SPTA1: variants seen among roughly 807,000 people sequenced by gnomAD.
SPTA1 encodes the protein spectrin alpha, erythrocytic 1, also known as spectrin alpha chain, erythrocytic 1.
In SPTA1, 177 loss-of-function variants were observed where a neutral mutation model predicts 324.7. The observed-to-expected ratio is 0.55, with a 90% CI of 0.48 to 0.62. SPTA1 has a LOEUF of 0.62. SPTA1 is among the 20% of genes least tolerant of loss of function. The pLI is 0.00. For missense variants in SPTA1, 3,162 were observed against 2,883.6 expected (o/e 1.10, Z -2.21); for synonymous variants, 1,195 against 1,041.3 (o/e 1.15, Z -2.84).
intron 27 of SPTA1, among the ~76,000 whole-genome samples, chr1:158,647,086 T>C (rs146956592): frequency 1.4e-4 from 22 of 152,234 alleles, no homozygotes; most frequent in Admixed American, 1.2e-3. Context: ...TCAGTCTACA[T>C]GAATTGTTTT....
intron 42 of SPTA1, among the ~76,000 whole-genome samples, chr1:158,624,908 G>A (rs1005440377): frequency 2.0e-5 from 3 of 152,188 alleles, no homozygotes; most frequent in Admixed American, 6.5e-5. Context: ...TGCCTGAAAG[G>A]CCACAGAGGC....
In SPTA1 at chr1:158,678,498, G is replaced by T; in HGVS notation, c.715C>A (p.Gln239Lys). ...TCCCAGGCAGCATTCACCTCATTTT[G>T]CTTAGACTGAATTAAGGGTAGGTCA... ...HPDLPLIQSK[Q>K]NEVNAAWERL... Residue 239 changes from glutamine to lysine, a missense_variant, in exon 6 of 52, where the codon CAA becomes AAA. Physicochemically the swap from Gln to Lys is moderately conservative, Grantham distance 53 (BLOSUM62 1). Transcript: ENST00000643759. 6.2e-7 allele frequency: 1 copy of T among 1,613,652 alleles called. No individual in the cohort carries two copies. The highest frequency in any genetic ancestry group is 8.5e-7 in the Non-Finnish European group (1 of 1,179,754).
intron 33 of SPTA1, among the ~76,000 whole-genome samples, chr1:158,641,091 A>T (rs1311404453): frequency 6.6e-6 from 1 of 152,002 alleles, no homozygotes; most frequent in African/African-American, 2.4e-5. Context: ...GGTGCTGGGA[A>T]AACTGGCTAG....
Position 158,659,299 on chromosome 1 carries a change from T to TA in SPTA1, c.2588-1606dup, listed in dbSNP as rs761091912. The stretch of plus-strand genomic sequence containing the variant: ...TATTTGAAATTAGACTATGATAGAT[T>TA]AAAAAAATCTATATTTTAATTCCTG... On this transcript the variant is annotated intron_variant, in intron 18 of 51. Coordinates refer to ENST00000643759, the MANE Select transcript of SPTA1 (RefSeq NM_003126.4). Among the ~76,000 whole-genome samples the TA allele has an allele frequency of 3.3e-5, 5 of 152,204 alleles. No individual in the cohort carries two copies. The East Asian group carries it at 7.7e-4, about 24-fold the overall frequency.
intron 23 of SPTA1, among the ~76,000 whole-genome samples, chr1:158,652,006 T>C (rs1652478255): frequency 6.6e-6 from 1 of 151,782 alleles, no homozygotes; most frequent in South Asian, 2.1e-4. Flanking sequence ...CTAGTTAAGA[T>C]AATGGAAAAA....
intron 12 of SPTA1, 117 bp from the exon 13 acceptor site, chr1:158,669,903 G>T (rs1653889819): frequency 1.0e-6 from 1 of 961,518 alleles, no homozygotes; most frequent in Admixed American, 1.8e-5. Flanking sequence ...GAAGTTTGAA[G>T]GCCAGCAGAT....
chr1:158,630,344 A>G (rs1650588435), intron 39 of SPTA1, among the ~76,000 whole-genome samples: 1 of 152,090 alleles, frequency 6.6e-6, no homozygotes, highest in Non-Finnish European at 1.5e-5. Context: ...AAACCCATGT[A>G]TATGTAGTTA....
chr1:158,654,873 T>C, intron 20 of SPTA1, 125 bp from the exon 21 acceptor site: 1 of 1,296,604 alleles, frequency 7.7e-7, no homozygotes, highest in Non-Finnish European at 1.1e-6. Flanking sequence ...ACCTCTTACG[T>C]GGCTGCAGAG....
chr1:158,642,919 G>T lies in SPTA1; in HGVS notation c.4500C>A (p.Ala1500=). The change falls in exon 32 of 52, where the codon GCC becomes GCA. Residue 1500 remains alanine, a synonymous_variant. Transcript: ENST00000643759. ...IDERTKLGDY[A]NLKQFYRDLE... ...GGTCTCGGTAGAATTGTTTTAGGTT[G>T]GCATAGTCTCCAAGCTTTGTCCGCT... 6.2e-7 allele frequency: 1 copy of T among 1,613,732 alleles called. No homozygotes were observed. The highest frequency in any genetic ancestry group is 8.5e-7 in the Non-Finnish European group (1 of 1,179,822).
chr1:158,611,872 G>A (rs1649280539), intron 51 of SPTA1: 1 of 162,650 alleles, frequency 6.1e-6, no homozygotes, highest in Non-Finnish European at 1.3e-5. Context: ...TCACTGTGCT[G>A]TTTGATTACC....
Position 158,626,026 on chromosome 1 carries a change from A to C in SPTA1, c.5910+120T>G. ...AATTAGGAAATTATTAATATTAAGA[A>C]GGGAAAATCTTACAGAGGCTACAGA... On this transcript the variant is annotated intron_variant, in intron 42 of 51. Coordinates refer to ENST00000643759, the MANE Select transcript of SPTA1 (RefSeq NM_003126.4). The C allele has an allele frequency of 3.9e-6, 3 of 771,456 alleles. No homozygotes were observed. In the South Asian group the frequency reaches 5.3e-5, roughly 14 times the overall value. The allele number at this position is 771,456 out of a possible 1,614,324, so 47.8% of individuals were successfully genotyped here.
chr1:158,641,973 T>C (rs1462920965), intron 33 of SPTA1, among the ~76,000 whole-genome samples: 1 of 152,184 alleles, frequency 6.6e-6, no homozygotes, highest in African/African-American at 2.4e-5. Context: ...TGGAATTCTA[T>C]ACAGCCATAA....
intron 47 of SPTA1, among the ~76,000 whole-genome samples, chr1:158,615,700 C>A (rs1481208260): frequency 8.2e-6 from 1 of 121,572 alleles, no homozygotes; most frequent in Non-Finnish European, 1.8e-5. Flanking sequence ...TATCTATCAT[C>A]TATCTATCAT....
intron 7 of SPTA1, 48 bp downstream of exon 7, chr1:158,677,642 T>C: frequency 4.4e-6 from 7 of 1,608,762 alleles, no homozygotes; most frequent in South Asian, 1.1e-5. Flanking sequence ...AATCAACAAT[T>C]GCCTCTTCTA....
rs763995335 is a variant in SPTA1 at position 158,642,463 on chromosome 1, C to T, written c.4685G>A (p.Gly1562Glu). The change falls in exon 33 of 52, where the codon GGG (glycine) becomes GAG (glutamate). Residue 1562 changes from glycine (G) to glutamate (E), a missense_variant. Transcript: ENST00000643759. Reference protein sequence around the residue: ...SEQVHGVINLGNSLIECSACD... With the variant: ...SEQVHGVINLENSLIECSACD... ...AGCGCTACACTCAATCAGGGAGTTC[C>T]CCAGGTTGATGACGCCATGCACCTG... 3.1e-6 allele frequency: 5 copies of T among 1,613,658 alleles called. No homozygotes were observed. In the South Asian group the frequency reaches 5.5e-5, roughly 18 times the overall value.
At chr1:158,624,463 T>C (rs894810213) in intron 42 of SPTA1, among the ~76,000 whole-genome samples, 2 of 152,194 alleles carry the variant, frequency 1.3e-5, no homozygotes, top group Admixed American at 6.5e-5. Flanking sequence ...TTTGGAACTT[T>C]AAGGTTTAAT....
intron 48 of SPTA1, 34 bp from the exon 49 acceptor site, chr1:158,614,340 G>A (rs1212168461): frequency 6.8e-7 from 1 of 1,463,082 alleles, no homozygotes; most frequent in South Asian, 1.2e-5. Context: ...AATTTTCCCT[G>A]TATATGAAAC....
At chr1:158,645,446 T>A in intron 28 of SPTA1, 49 bp downstream of exon 28, 1 of 1,613,888 alleles carries the variant, frequency 6.2e-7, no homozygotes, top group Non-Finnish European at 8.5e-7. Context: ...TTAAAATTAG[T>A]AGAGGTTTCA....
At chr1:158,615,115 C>G (rs2101749237) in intron 48 of SPTA1, 101 bp downstream of exon 48, 2 of 1,344,962 alleles carry the variant, frequency 1.5e-6, no homozygotes, top group East Asian at 2.3e-5. Context: ...TTCTCTGAAG[C>G]AACTCTTTTA....
Sources: gnomAD v4.1 joint callset for allele counts (sites outside exome capture counted in the v4.1 genomes callset) on GRCh38, gnomAD v4.1.1 for gene constraint, MANE v1.5 for transcripts, NCBI Gene and HGNC (gene_info 2026-07-23, HGNC 2026-07-21) for gene names.